Variants in ARMH4 observed in about 807,000 individuals in gnomAD.
The protein encoded by ARMH4 is armadillo-like helical domain-containing protein 4.
Under a neutral mutation model 61.9 loss-of-function variants are expected in ARMH4, and 49 were observed. The observed-to-expected ratio is 0.79, with a 90% confidence interval of 0.63 to 1.00. The LOEUF (loss-of-function observed/expected upper bound fraction) is 1.00, where lower values mean the gene tolerates loss of function less well. Among genes scored for constraint, ARMH4 ranks in the 50% least tolerant of loss-of-function variants. ARMH4 has a pLI of 0.00. For synonymous variants in ARMH4, 368 were observed against 341.5 expected, an observed-to-expected ratio of 1.08 and a Z score of -0.85; for missense variants, 934 against 930.0, an observed-to-expected ratio of 1.00 and a Z score of -0.06.
At chr14:58,151,848 C>G (rs981252912) in intron 1 of ARMH4, among the ~76,000 whole-genome samples, 1 of 152,214 alleles carries the variant, frequency 6.6e-6, no homozygotes, top group Non-Finnish European at 1.5e-5. Flanking sequence ...GAGGCCTGCG[C>G]GCCGCGCCCA....
At chr14:58,133,403 C>T (rs1347594996) in intron 2 of ARMH4, 62 bp from the exon 3 acceptor site, 4 of 1,413,326 alleles carry the variant, frequency 2.8e-6, no homozygotes, top group African/African-American at 2.9e-5. Flanking sequence ...AAAAAAAAAT[C>T]ATGATATGAT....
chr14:58,112,485 T>C (rs1314369221), intron 4 of ARMH4, among the ~76,000 whole-genome samples: 1 of 152,172 alleles, frequency 6.6e-6, no homozygotes, highest in African/African-American at 2.4e-5. Context: ...ACCCTGGCTA[T>C]ATCTTCCCAA....
At chr14:58,045,370 C>T (rs1343368026) in intron 5 of ARMH4, among the ~76,000 whole-genome samples, 1 of 152,062 alleles carries the variant, frequency 6.6e-6, no homozygotes, top group Non-Finnish European at 1.5e-5. Context: ...GGACAAAAAA[C>T]CAAACATCAC....
Position 58,109,769 on chromosome 14 carries a change from T to C in ARMH4, c.1832-12788A>G, listed in dbSNP as rs542076499. ...TTCTTCTATTTTGTTTTTATAGCTG[T>C]ATTAGTCCATTCTCACACTGCTATA... On this transcript the variant is annotated intron_variant, in intron 4 of 7. Transcript: ENST00000267485. Among the ~76,000 whole-genome samples the C allele has an allele frequency of 2.1e-4, 32 of 152,356 alleles. No homozygotes were observed. The South Asian group carries it at 2.7e-3, about 13-fold the overall frequency.
intron 1 of ARMH4, among the ~76,000 whole-genome samples, chr14:58,142,051 A>G (rs773695486): frequency 1.2e-4 from 18 of 152,160 alleles, no homozygotes; most frequent in Admixed American, 3.3e-4. Context: ...CCCAAATTTA[A>G]GGGTTTCAGT....
chr14:58,065,068 C>T (rs1193135695), intron 5 of ARMH4, among the ~76,000 whole-genome samples: 1 of 152,108 alleles, frequency 6.6e-6, no homozygotes, highest in African/African-American at 2.4e-5. Flanking sequence ...ATGGTGAAAC[C>T]CCGTCTCTAC....
At chr14:58,114,025 T>C (rs1405968653) in intron 4 of ARMH4, among the ~76,000 whole-genome samples, 1 of 152,120 alleles carries the variant, frequency 6.6e-6, no homozygotes, top group East Asian at 1.9e-4. Context: ...CAATCTTACT[T>C]GGCTTTGTCT....
intron 3 of ARMH4, among the ~76,000 whole-genome samples, chr14:58,132,423 T>C (rs558562055): frequency 1.8e-4 from 27 of 152,114 alleles, no homozygotes; most frequent in African/African-American, 4.3e-4. Flanking sequence ...AAAGCCAAAG[T>C]TGCGATTCAA....
intron 2 of ARMH4, among the ~76,000 whole-genome samples, chr14:58,135,941 A>G (rs1594778311): frequency 6.6e-6 from 1 of 151,968 alleles, no homozygotes; most frequent in Non-Finnish European, 1.5e-5. Flanking sequence ...TTTTAACTCT[A>G]TGGGACAAAA....
intron 5 of ARMH4, among the ~76,000 whole-genome samples, chr14:58,017,433 A>G (rs1205869209): frequency 6.6e-6 from 1 of 152,248 alleles, no homozygotes; most frequent in Non-Finnish European, 1.5e-5. Context: ...AAACAAATTC[A>G]GTAAATTTGC....
chr14:58,097,062 A>G, intron 4 of ARMH4, 81 bp from the exon 5 acceptor site: 1 of 1,411,910 alleles, frequency 7.1e-7, no homozygotes, highest in Non-Finnish European at 9.8e-7. Context: ...AAATGATCCA[A>G]ACACTACAAA....
At chr14:58,016,291 G>A (rs916547219) in intron 5 of ARMH4, among the ~76,000 whole-genome samples, 3 of 152,012 alleles carry the variant, frequency 2.0e-5, no homozygotes, top group African/African-American at 7.2e-5. Flanking sequence ...AGTATTATAT[G>A]AAAATAAAAT....
rs765855846 is a variant in ARMH4 at position 58,138,666 on chromosome 14, G to A, written c.693C>T (p.His231=). The change falls in exon 2 of 8, where the codon CAC becomes CAT. Residue 231 remains histidine (H), a synonymous_variant. Coordinates refer to ENST00000267485, the MANE Select transcript of ARMH4 (RefSeq NM_001001872.4). ...CAGCACCAGGAAAAGAAGTTGTCCT[G>A]TGGTCTGTGTCTGCTTCAAATTTCT... ...KTEKFEADTD[H]RTTSFPGAES... 3.7e-6 allele frequency: 6 copies of A among 1,614,172 alleles called. No individual in the cohort carries two copies.
intron 4 of ARMH4, chr14:58,101,280 G>C (rs553736760): frequency 5.4e-4 from 82 of 152,678 alleles, no homozygotes; most frequent in African/African-American, 1.9e-3. Flanking sequence ...GTCACAAATT[G>C]GGCATGGAAG....
rs1269695586 is a variant in ARMH4 at position 58,100,802 on chromosome 14, G to T, written c.1832-3821C>A. On this transcript the variant is annotated intron_variant, in intron 4 of 7. Coordinates refer to ENST00000267485, the MANE Select transcript of ARMH4 (RefSeq NM_001001872.4). ...AGATCACAGCTTCACAATGTAGCAG[G>T]GACTCCTGGCCATCCCTCAAAAGTA... is the stretch of plus-strand genomic sequence containing the variant. 2.0e-5 allele frequency among the ~76,000 whole-genome samples: 3 copies of T among 152,042 alleles called. No homozygotes were observed. The East Asian group carries it at 5.8e-4, about 29-fold the overall frequency.
intron 5 of ARMH4, among the ~76,000 whole-genome samples, chr14:58,062,615 T>C (rs112503254): frequency 3.3e-5 from 5 of 152,356 alleles, no homozygotes; most frequent in Middle Eastern, 3.4e-3. Context: ...ATGTTAGCTA[T>C]GTGCCGGGCA....
At chr14:58,021,389 T>A (rs1289417233) in intron 5 of ARMH4, among the ~76,000 whole-genome samples, 1 of 152,226 alleles carries the variant, frequency 6.6e-6, no homozygotes, top group African/African-American at 2.4e-5. Context: ...TGCTGCCATG[T>A]AGGATGTGCC....
At chr14:58,083,144 G>C (rs140133856) in intron 5 of ARMH4, among the ~76,000 whole-genome samples, 35 of 152,308 alleles carry the variant, frequency 2.3e-4, no homozygotes, top group African/African-American at 8.4e-4. Flanking sequence ...TGAGACTTTA[G>C]AGTTGTTTGT....
chr14:58,095,749 A>C (rs998237885), intron 5 of ARMH4, among the ~76,000 whole-genome samples: 1 of 152,198 alleles, frequency 6.6e-6, no homozygotes, highest in Non-Finnish European at 1.5e-5. Flanking sequence ...AACTCCCAGA[A>C]TTACATCCAG....
Sources: gnomAD v4.1 joint callset for allele counts (sites outside exome capture counted in the v4.1 genomes callset) on GRCh38, gnomAD v4.1.1 for gene constraint, MANE v1.5 for transcripts, NCBI Gene and HGNC (gene_info 2026-07-23, HGNC 2026-07-21) for gene names.